The following ALK variants were observed in gnomAD, a reference collection of about 807,000 sequenced individuals.
ALK encodes ALK receptor tyrosine kinase, also known as ALK tyrosine kinase receptor.
A neutral mutation model predicts 163.1 loss-of-function variants in ALK; 74 were observed. The observed-to-expected ratio is 0.45, with a 90% confidence interval of 0.38 to 0.55. The LOEUF is 0.55. ALK is among the 20% of genes least tolerant of loss of function. The probability of loss-of-function intolerance (pLI) is 0.00; values close to 1 mark genes in which losing one functional copy is unlikely to be tolerated. For synonymous variants in ALK, 960 were observed against 843.2 expected (o/e 1.14, Z -2.40); for missense variants, 2,063 against 2,105.3 (o/e 0.98, Z 0.39).
At chr2:29,560,567 T>C (rs966284657) in intron 3 of ALK, among the ~76,000 whole-genome samples, 2 of 152,000 alleles carry the variant, frequency 1.3e-5, no homozygotes, top group Non-Finnish European at 2.9e-5. Flanking sequence ...TTTTCTTCCT[T>C]CCTTCTTTCT....
In ALK at chr2:29,193,123, A is replaced by G; in HGVS notation, c.*101T>C. The G allele has an allele frequency of 7.4e-7, 1 of 1,343,952 alleles. No homozygotes were observed. Among genetic ancestry groups the G allele is most frequent in the Non-Finnish European group, 1.0e-6 (1 of 954,576 alleles). 83.3% of individuals were successfully genotyped at this position (1,343,952 alleles called of 1,614,324 possible). Reference sequence around the variant, plus strand: ...ACTTCAAAATAGGTTGGCACAAAACAAAACGTGACATTTGGTCTCTGGTTT... The same window carrying G: ...ACTTCAAAATAGGTTGGCACAAAACGAAACGTGACATTTGGTCTCTGGTTT... On this transcript the variant is annotated 3_prime_UTR_variant, in exon 29 of 29. Coordinates refer to ENST00000389048, the MANE Select transcript of ALK (RefSeq NM_004304.5).
chr2:29,839,663 T>C (rs1665651217), intron 1 of ALK, among the ~76,000 whole-genome samples: 2 of 152,148 alleles, frequency 1.3e-5, no homozygotes, highest in African/African-American at 4.8e-5. Context: ...GTGTCCCTTC[T>C]TCTGCGTTCT....
chr2:29,307,841 T>G (rs1380124782), intron 8 of ALK, among the ~76,000 whole-genome samples: 2 of 152,226 alleles, frequency 1.3e-5, no homozygotes, highest in African/African-American at 4.8e-5. Flanking sequence ...TAAGAAATGC[T>G]GGATTCCTGG....
intron 1 of ALK, among the ~76,000 whole-genome samples, chr2:29,720,519 T>C (rs554615630): frequency 2.2e-4 from 33 of 152,118 alleles, no homozygotes; most frequent in Non-Finnish European, 2.6e-4. Flanking sequence ...GCTAGGGAGC[T>C]AATGTGGGGG....
At chr2:29,917,015 T>C (rs1427407362) in intron 1 of ALK, among the ~76,000 whole-genome samples, 1 of 152,234 alleles carries the variant, frequency 6.6e-6, no homozygotes, top group African/African-American at 2.4e-5. Context: ...GGAAAAACCA[T>C]TAGCATTTCA....
chr2:29,827,798 A>C (rs766243793), intron 1 of ALK, among the ~76,000 whole-genome samples: 20 of 152,310 alleles, frequency 1.3e-4, no homozygotes, highest in South Asian at 4.1e-4. Context: ...ACTTTCTTCA[A>C]AGAATTGGAA....
At chr2:29,559,535 G>C (rs1673960262) in intron 3 of ALK, among the ~76,000 whole-genome samples, 1 of 152,074 alleles carries the variant, frequency 6.6e-6, no homozygotes, top group African/African-American at 2.4e-5. Flanking sequence ...TCTTAATGAG[G>C]TTCTATATCT....
intron 1 of ALK, among the ~76,000 whole-genome samples, chr2:29,734,188 T>C (rs1195203915): frequency 6.6e-6 from 1 of 152,210 alleles, no homozygotes; most frequent in Non-Finnish European, 1.5e-5. Context: ...TTCATTGACT[T>C]GGCAATTGTG....
At chr2:29,635,170 T>C (rs565192396) in intron 3 of ALK, among the ~76,000 whole-genome samples, 3 of 152,284 alleles carry the variant, frequency 2.0e-5, no homozygotes, top group South Asian at 4.1e-4. Context: ...AGTTCATGGA[T>C]TGGAAGTCTT....
chr2:29,768,713 CTGTGTGTGTG>C (rs1553359129), intron 1 of ALK, among the ~76,000 whole-genome samples: 3 of 142,954 alleles, frequency 2.1e-5, no homozygotes, highest in South Asian at 4.4e-4. Context: ...TTATATATGT[CTGTGTGTGTG>C]TGTGTGTGTG....
At chr2:29,807,903 C>T (rs1664660726) in intron 1 of ALK, among the ~76,000 whole-genome samples, 1 of 152,124 alleles carries the variant, frequency 6.6e-6, no homozygotes, top group Non-Finnish European at 1.5e-5. Context: ...TCTCTTTTAA[C>T]CCTTCTGAGT....
At chr2:29,613,755 G>T (rs1675761385) in intron 3 of ALK, among the ~76,000 whole-genome samples, 1 of 152,154 alleles carries the variant, frequency 6.6e-6, no homozygotes, top group African/African-American at 2.4e-5. Context: ...AATTTGTACT[G>T]TCTGAACAAA....
chr2:29,914,340 C>T (rs977436580), intron 1 of ALK, among the ~76,000 whole-genome samples: 3 of 152,206 alleles, frequency 2.0e-5, no homozygotes, highest in African/African-American at 7.2e-5. Flanking sequence ...AGAACAACAG[C>T]ATCACAACTG....
intron 28 of ALK, among the ~76,000 whole-genome samples, chr2:29,195,156 G>A (rs1293442519): frequency 6.6e-6 from 1 of 152,140 alleles, no homozygotes; most frequent in Non-Finnish European, 1.5e-5. Context: ...TTTTAAATAT[G>A]CTTGTGTAAA....
At chr2:29,251,329 C>T (rs2148197898) in intron 11 of ALK, 62 bp from the exon 12 acceptor site, 2 of 1,540,582 alleles carry the variant, frequency 1.3e-6, no homozygotes, top group South Asian at 2.3e-5. Flanking sequence ...CCAGGGGCCT[C>T]CCTGGGTGGC....
intron 2 of ALK, among the ~76,000 whole-genome samples, chr2:29,706,977 G>A (rs112226904): frequency 1.3e-5 from 1 of 78,316 alleles, no homozygotes; most frequent in African/African-American, 1.0e-4. Context: ...CATGCAGAAT[G>A]TGTGTGTGTG....
At chr2:29,643,524 C>A (rs1470751213) in intron 3 of ALK, among the ~76,000 whole-genome samples, 1 of 152,196 alleles carries the variant, frequency 6.6e-6, no homozygotes, top group East Asian at 1.9e-4. Flanking sequence ...AAAATGCTGG[C>A]TAAGAGAATT....
chr2:29,730,359 G>A (rs2148316916), intron 1 of ALK, among the ~76,000 whole-genome samples: 1 of 152,308 alleles, frequency 6.6e-6, no homozygotes, highest in South Asian at 2.1e-4. Context: ...ATAGTGTTAT[G>A]TAAGTGCTTG....
At position 29,202,056 on chromosome 2, in the gene ALK, G is replaced by A. The variant is rs1044506902; in HGVS notation, c.3939-4380C>T. On this transcript the variant is annotated intron_variant, in intron 26 of 28. Coordinates refer to ENST00000389048, the MANE Select transcript of ALK (RefSeq NM_004304.5). ...CATCCCCCATCTGAGTTCCAAGGCC[G>A]TCTGTGTTCTGACCCATCCCTTCCA... Among the ~76,000 whole-genome samples, 3 of 152,068 alleles carry A rather than the reference G, an allele frequency of 2.0e-5. No individual in the cohort carries two copies. In the East Asian group the frequency reaches 5.8e-4, roughly 29 times the overall value.
Sources: allele counts gnomAD v4.1 joint callset (sites outside exome capture counted in the v4.1 genomes callset), GRCh38; gene constraint gnomAD v4.1.1; transcripts MANE v1.5; gene names NCBI Gene and HGNC (gene_info 2026-07-23, HGNC 2026-07-21).